The following PTPRZ1 variants were observed in gnomAD, a reference collection of about 807,000 sequenced individuals.
The protein encoded by PTPRZ1 is protein tyrosine phosphatase receptor type Z1.
Under a neutral mutation model 214.1 loss-of-function variants are expected in PTPRZ1, and 82 were observed. The ratio of observed to expected loss-of-function variants is 0.38; its 90% CI spans 0.32 to 0.46. The LOEUF (loss-of-function observed/expected upper bound fraction) is 0.46, where lower values mean the gene tolerates loss of function less well. Ranked by LOEUF, PTPRZ1 falls within the 20% of genes least tolerant of loss-of-function variation. The pLI is 1.00. For synonymous variants in PTPRZ1, 945 were observed against 987.9 expected, an observed-to-expected ratio of 0.96 and a Z score of 0.81; for missense variants, 2,603 against 2,748.7, an observed-to-expected ratio of 0.95 and a Z score of 1.19.
intron 2 of PTPRZ1, among the ~76,000 whole-genome samples, chr7:121,933,372 CT>C (rs1359432516): frequency 6.6e-6 from 1 of 151,936 alleles, no homozygotes; most frequent in African/African-American, 2.4e-5. Context: ...ATTTTCTGGA[CT>C]TTAAAAATAT....
At chr7:122,008,078 A>C (rs1280931621) in intron 11 of PTPRZ1, among the ~76,000 whole-genome samples, 1 of 152,056 alleles carries the variant, frequency 6.6e-6, no homozygotes, top group Admixed American at 6.6e-5. Flanking sequence ...CTATGTAATA[A>C]GAAGAGGTGT....
rs1279364017 is a variant in PTPRZ1, at chr7:121,928,185, A to G, written c.88A>G (p.Arg30Gly). 6.2e-7 allele frequency: 1 copy of G among 1,612,662 alleles called. No individual in the cohort carries two copies. ...DWANGYYRQQ[R>G]KLVEEIGWSY... ...GGCTAATGGATACTACAGACAACAG[A>G]GAAAACTTGTTGAAGAGATTGGCTG... is the stretch of plus-strand genomic sequence containing the variant. The change falls in exon 2 of 30, where the codon AGA (arginine) becomes GGA (glycine). Residue 30 changes from arginine to glycine, a missense_variant. By Grantham distance (125) the Arg-to-Gly change is moderately radical. Coordinates refer to ENST00000393386, the MANE Select transcript of PTPRZ1 (RefSeq NM_002851.3).
Position 122,058,933 on chromosome 7 carries a change from T to C in PTPRZ1, c.6662T>C (p.Val2221Ala). The stretch of plus-strand genomic sequence containing the variant: ...GCCAATAGGGATGGGCCTATGATTG[T>C]TCATGATGAGTAAGTTCCATGTGTT... Reference protein sequence around the residue: ...EAANRDGPMIVHDEHGGVTAG... With the variant: ...EAANRDGPMIAHDEHGGVTAG... The change falls in exon 28 of 30, where the codon GTT becomes GCT. Residue 2221 changes from valine (V) to alanine (A), a missense_variant. Val to Ala is a moderately conservative substitution (Grantham distance 64). This residue lies in a region of PTPRZ1 where 165 missense variants were observed against 151.4 expected (regional missense o/e 1.09). Coordinates refer to ENST00000393386, the MANE Select transcript of PTPRZ1 (RefSeq NM_002851.3). The C allele has an allele frequency of 6.3e-7, 1 of 1,586,088 alleles. No homozygotes were observed. Among genetic ancestry groups the C allele is most frequent in the Non-Finnish European group, 8.7e-7 (1 of 1,156,046 alleles).
intron 8 of PTPRZ1, among the ~76,000 whole-genome samples, chr7:121,984,332 C>A (rs1797705754): frequency 6.6e-6 from 1 of 152,018 alleles, no homozygotes; most frequent in Non-Finnish European, 1.5e-5. Context: ...AAGAATAACC[C>A]CATTTTACAG....
chr7:121,912,835 G>A (rs1197779999), intron 1 of PTPRZ1, among the ~76,000 whole-genome samples: 1 of 152,146 alleles, frequency 6.6e-6, no homozygotes, highest in Non-Finnish European at 1.5e-5. Flanking sequence ...AGAACAGAAT[G>A]TTCAGTCTGC....
chr7:121,876,184 A>G (rs946084737), intron 1 of PTPRZ1, among the ~76,000 whole-genome samples: 1 of 152,230 alleles, frequency 6.6e-6, no homozygotes, highest in African/African-American at 2.4e-5. Context: ...CAAAAAATTT[A>G]TCAGAATACA....
chr7:121,941,824 T>G (rs1183586109), intron 2 of PTPRZ1, among the ~76,000 whole-genome samples: 2 of 152,224 alleles, frequency 1.3e-5, no homozygotes, highest in African/African-American at 4.8e-5. Context: ...GGTATATTAA[T>G]CACCTATGTC....
Position 122,039,593 on chromosome 7 carries a change from G to A in PTPRZ1, c.5637+5G>A. 2 of 1,612,774 alleles carry A rather than the reference G, an allele frequency of 1.2e-6. No homozygotes were observed. The highest frequency in any genetic ancestry group is 1.7e-6 in the Non-Finnish European group (2 of 1,179,664). Reference sequence around the variant, plus strand: ...AGAAACACAAAAATAAAAAAGGTGAGTCAACAAAATGATGGGCATAATCAA... The same window carrying A: ...AGAAACACAAAAATAAAAAAGGTGAATCAACAAAATGATGGGCATAATCAA... On this transcript the variant is annotated splice_donor_5th_base_variant and intron_variant, in intron 20 of 29. Coordinates refer to ENST00000393386, the MANE Select transcript of PTPRZ1 (RefSeq NM_002851.3).
intron 2 of PTPRZ1, among the ~76,000 whole-genome samples, chr7:121,938,592 G>A (rs761183955): frequency 2.6e-5 from 4 of 152,188 alleles, no homozygotes; most frequent in Non-Finnish European, 4.4e-5. Flanking sequence ...ATTTCATAAG[G>A]ATGGCCCCCG....
At chr7:122,029,678 A>G (rs1357338378) in intron 14 of PTPRZ1, among the ~76,000 whole-genome samples, 1 of 151,906 alleles carries the variant, frequency 6.6e-6, no homozygotes. Context: ...CTCATGACTT[A>G]AAAAACAGAA....
intron 14 of PTPRZ1, among the ~76,000 whole-genome samples, chr7:122,030,828 C>T (rs965392796): frequency 6.6e-6 from 1 of 151,936 alleles, no homozygotes. Context: ...TTGGCCCCTT[C>T]ACAATTAATT....
chr7:121,975,744 C>A (rs1797410087), intron 4 of PTPRZ1, among the ~76,000 whole-genome samples: 2 of 152,098 alleles, frequency 1.3e-5, no homozygotes, highest in African/African-American at 2.4e-5. Flanking sequence ...ACTTAAAACT[C>A]TTTTGGTATT....
chr7:121,909,335 A>G (rs954701243), intron 1 of PTPRZ1, among the ~76,000 whole-genome samples: 1 of 152,188 alleles, frequency 6.6e-6, no homozygotes, highest in African/African-American at 2.4e-5. Context: ...ACCTGAGCAC[A>G]CAAGCTAGGC....
At chr7:121,926,216 A>AATC (rs1299822272) in intron 1 of PTPRZ1, among the ~76,000 whole-genome samples, 2 of 151,346 alleles carry the variant, frequency 1.3e-5, no homozygotes, top group Admixed American at 1.3e-4. Context: ...GAGGCAGAAG[A>AATC]ATCGCTTGAA....
At chr7:122,051,661 C>T in intron 24 of PTPRZ1, 140 bp downstream of exon 24, 1 of 843,134 alleles carries the variant, frequency 1.2e-6, no homozygotes, top group Non-Finnish European at 1.9e-6. Context: ...GTAACTGTTC[C>T]AAAGGACTCA....
chr7:121,918,185 C>G (rs975021021), intron 1 of PTPRZ1, among the ~76,000 whole-genome samples: 1 of 152,132 alleles, frequency 6.6e-6, no homozygotes, highest in South Asian at 2.1e-4. Flanking sequence ...TAACATGACC[C>G]GCACCTATTT....
chr7:122,006,167 A>G (rs966240864), intron 11 of PTPRZ1, among the ~76,000 whole-genome samples: 1 of 152,122 alleles, frequency 6.6e-6, no homozygotes, highest in African/African-American at 2.4e-5. Flanking sequence ...ATACTTCTAC[A>G]TATTTATGAG....
At chr7:121,961,853 A>G (rs6970897) in intron 2 of PTPRZ1, among the ~76,000 whole-genome samples, 10,531 of 152,260 alleles carry the variant, frequency 0.069, 445 homozygotes, top group South Asian at 0.096. Context: ...TAATTCAGGT[A>G]AGTCAATGAG....
In PTPRZ1 at chr7:122,038,899, TA is replaced by T; in HGVS notation, c.5502+12del. 3.7e-6 allele frequency: 6 copies of T among 1,613,452 alleles called. No homozygotes were observed. Among genetic ancestry groups the T allele is most frequent in the Non-Finnish European group, 5.1e-6 (6 of 1,179,560 alleles). The stretch of plus-strand genomic sequence containing the variant: ...CGTGGAGAAAGGAAGGGTATGTAGA[TA>T]ATCTGTTATGTCACCCCCAAAAAAG... On this transcript the variant is annotated intron_variant, in intron 19 of 29. Transcript: ENST00000393386.
Sources: allele counts gnomAD v4.1 joint callset (sites outside exome capture counted in the v4.1 genomes callset), GRCh38; gene constraint gnomAD v4.1.1; regional missense constraint gnomAD v4.1.1; transcripts MANE v1.5; gene names NCBI Gene and HGNC (gene_info 2026-07-23, HGNC 2026-07-21).